IL17RD: variants seen among roughly 807,000 people sequenced by gnomAD.
The protein encoded by IL17RD is interleukin 17 receptor D, also known as interleukin-17 receptor D.
In IL17RD, 52 loss-of-function variants were observed where a neutral mutation model predicts 80.5. The ratio of observed to expected loss-of-function variants is 0.65; its 90% CI spans 0.52 to 0.81. IL17RD has a LOEUF of 0.81. Ranked by LOEUF, IL17RD falls within the 40% of genes least tolerant of loss-of-function variation. The pLI is 0.00. For missense variants in IL17RD, 1,024 were observed against 955.1 expected, an observed-to-expected ratio of 1.07 and a Z score of -0.95; for synonymous variants, 416 against 391.8, an observed-to-expected ratio of 1.06 and a Z score of -0.73.
Position 57,142,498 on chromosome 3 carries a change from G to A in IL17RD, c.127-22185C>T, listed in dbSNP as rs375448945. 19 of 1,288,004 alleles carry A rather than the reference G, an allele frequency of 1.5e-5. No homozygotes were observed. In the East Asian group the frequency reaches 1.7e-4, roughly 11 times the overall value. The allele number at this position is 1,288,004 out of a possible 1,614,324, so 79.8% of individuals were successfully genotyped here. ...ACGCAGGAACACCTGAGGCAGAAGCGCGTGGCATCCCTCCCCCTCCAACCG... is the reference window on the plus strand; with the variant it reads ...ACGCAGGAACACCTGAGGCAGAAGCACGTGGCATCCCTCCCCCTCCAACCG... On this transcript the variant is annotated intron_variant, in intron 1 of 12. Coordinates refer to ENST00000296318, the MANE Select transcript of IL17RD (RefSeq NM_017563.5).
rs868788175 is a variant in IL17RD, at chr3:57,146,762, A to G, written c.126+18399T>C. ...GAGACTGCATCTCAAAAAAAAAAAAAAAAGAAAGAAAAAAAATTATATAAA... is the reference window on the plus strand; with the variant it reads ...GAGACTGCATCTCAAAAAAAAAAAAGAAAGAAAGAAAAAAAATTATATAAA... On this transcript the variant is annotated intron_variant, in intron 1 of 12. Coordinates refer to ENST00000296318, the MANE Select transcript of IL17RD (RefSeq NM_017563.5). 3.6e-3 allele frequency among the ~76,000 whole-genome samples: 548 copies of G among 150,402 alleles called. 3 individuals carry two copies. The highest frequency in any genetic ancestry group is 0.012 in the African/African-American group (513 of 41,156).
rs761408556 is a variant in IL17RD at position 57,101,219 on chromosome 3, T to C, written c.1124A>G (p.Gln375Arg). The C allele has an allele frequency of 6.2e-7, 1 of 1,613,764 alleles. No individual in the cohort carries two copies. The highest frequency in any genetic ancestry group is 8.5e-7 in the Non-Finnish European group (1 of 1,179,720). The change falls in exon 11 of 13, where the codon CAG (glutamine) becomes CGG (arginine). Residue 375 changes from glutamine (Q) to arginine (R), a missense_variant. Coordinates refer to ENST00000296318, the MANE Select transcript of IL17RD (RefSeq NM_017563.5). ...GTCCTGGAGGAAGTAGGCGAAACACTGGACGACATTCATGTGATTCTGGCC... is the reference window on the plus strand; with the variant it reads ...GTCCTGGAGGAAGTAGGCGAAACACCGGACGACATTCATGTGATTCTGGCC... ...KDGQNHMNVV[Q>R]CFAYFLQDFC...
intron 1 of IL17RD, among the ~76,000 whole-genome samples, chr3:57,144,257 C>T (rs1229706074): frequency 1.3e-5 from 2 of 151,994 alleles, no homozygotes; most frequent in Non-Finnish European, 2.9e-5. Context: ...TACTCTAGGG[C>T]CTGTTATCAC....
At chr3:57,097,369 T>C (rs771473240) in intron 12 of IL17RD, 83 of 572,132 alleles carry the variant, frequency 1.5e-4, no homozygotes, top group Non-Finnish European at 2.4e-4. Flanking sequence ...CAACACCCCT[T>C]GCAGGGTCTG....
Position 57,104,407 on chromosome 3 carries a change from C to T in IL17RD, c.748G>A (p.Glu250Lys). 3 of 1,602,604 alleles carry T rather than the reference C, an allele frequency of 1.9e-6. No homozygotes were observed. The East Asian group carries it at 6.7e-5, about 36-fold the overall frequency. Residue 250 changes from glutamate to lysine, a missense_variant and splice_region_variant, in exon 8 of 13, where the codon GAG (glutamate) becomes AAG (lysine). By Grantham distance (56) the Glu-to-Lys change is moderately conservative. Coordinates refer to ENST00000296318, the MANE Select transcript of IL17RD (RefSeq NM_017563.5). The part of the protein sequence containing the change: ...GPFKRKTCKQ[E>K]QTTETTSCLL... ...CAGCTGGTCGTCTCTGTAGTTTGCT[C>T]CTGCAACAGACCAAAGAACACTTTA...
intron 7 of IL17RD, among the ~76,000 whole-genome samples, chr3:57,105,325 G>T (rs1215181026): frequency 6.6e-6 from 1 of 151,732 alleles, no homozygotes; most frequent in African/African-American, 2.4e-5. Flanking sequence ...ATCACTTGAG[G>T]TCAGGAGTCT....
chr3:57,101,921 T>C (rs1706839550), intron 10 of IL17RD, among the ~76,000 whole-genome samples: 2 of 152,176 alleles, frequency 1.3e-5, no homozygotes, highest in African/African-American at 4.8e-5. Context: ...TTACTTATAC[T>C]TCAGGCTTCC....
In IL17RD at chr3:57,102,539, G is replaced by C; in HGVS notation, c.919C>G (p.Leu307Val). The C allele has an allele frequency of 1.9e-6, 3 of 1,581,740 alleles. No individual in the cohort carries two copies. The highest frequency in any genetic ancestry group is 2.6e-6 in the Non-Finnish European group (3 of 1,156,278). Residue 307 changes from leucine to valine, a missense_variant, in exon 10 of 13, where the codon CTG becomes GTG. Coordinates refer to ENST00000296318, the MANE Select transcript of IL17RD (RefSeq NM_017563.5). ...GTCGCGAATGCCGATATGACTACCA[G>C]TGGCACTGTGATGGCCACGGCTCTG... ...PIRAVAITVP[L>V]VVISAFATLF...
At chr3:57,158,061 T>C (rs2060280225) in intron 1 of IL17RD, among the ~76,000 whole-genome samples, 1 of 152,268 alleles carries the variant, frequency 6.6e-6, no homozygotes, top group Non-Finnish European at 1.5e-5. Context: ...AGGATTCATA[T>C]GAAGTATTCA....
intron 1 of IL17RD, among the ~76,000 whole-genome samples, chr3:57,123,402 C>T (rs2107502386): frequency 6.6e-6 from 1 of 152,320 alleles, no homozygotes. Context: ...CCTTCTAAAC[C>T]CTTTGGGCAC....
chr3:57,141,914 T>C (rs549707760), intron 1 of IL17RD, among the ~76,000 whole-genome samples: 2 of 152,260 alleles, frequency 1.3e-5, no homozygotes, highest in East Asian at 1.9e-4. Flanking sequence ...TATCTGATTG[T>C]ATCTGCACGG....
chr3:57,145,065 T>C (rs941042030), intron 1 of IL17RD, among the ~76,000 whole-genome samples: 8 of 152,248 alleles, frequency 5.3e-5, no homozygotes, highest in Non-Finnish European at 7.4e-5. Flanking sequence ...ACAAACTATT[T>C]CTGTATCTGT....
chr3:57,099,932 A>C, intron 11 of IL17RD, among the ~76,000 whole-genome samples: 1 of 152,254 alleles, frequency 6.6e-6, no homozygotes, highest in Non-Finnish European at 1.5e-5. Flanking sequence ...CCAAAGGCAA[A>C]ACTGTACGTG....
Position 57,091,322 on chromosome 3 carries a change from T to C in IL17RD, c.*5071A>G, listed in dbSNP as rs536082875. On this transcript the variant is annotated 3_prime_UTR_variant, in exon 13 of 13. Transcript: ENST00000296318. ...GGAGGAAAACAAACACAAGTTATGA[T>C]AGATGACTATCATCAGGGGAAAAAT... is the stretch of plus-strand genomic sequence containing the variant. The C allele has an allele frequency of 3.9e-5, 6 of 152,766 alleles. No homozygotes were observed. The South Asian group carries it at 1.0e-3, about 26-fold the overall frequency. 9.5% of individuals were successfully genotyped at this position (152,766 alleles called of 1,614,324 possible). A position where few individuals can be genotyped will look rare whatever the true frequency, so the allele number is the denominator to read the frequency against.
intron 1 of IL17RD, among the ~76,000 whole-genome samples, chr3:57,136,234 A>T (rs1707722427): frequency 2.0e-5 from 3 of 152,162 alleles, no homozygotes; most frequent in Admixed American, 2.0e-4. Context: ...CAAGCTAAGG[A>T]GATAAAAACC....
chr3:57,107,832 C>T (rs1706998812), intron 5 of IL17RD, among the ~76,000 whole-genome samples: 1 of 152,052 alleles, frequency 6.6e-6, no homozygotes, highest in East Asian at 1.9e-4. Flanking sequence ...GGGGATGGTA[C>T]GACTAAATTC....
At chr3:57,165,061 A>G (rs953961110) in intron 1 of IL17RD, 100 bp downstream of exon 1, 1 of 1,371,152 alleles carries the variant, frequency 7.3e-7, no homozygotes, top group Non-Finnish European at 9.3e-7. Context: ...CCCCGCGAAG[A>G]GCAGACAGGT....
At chr3:57,148,711 G>T (rs931669773) in intron 1 of IL17RD, among the ~76,000 whole-genome samples, 2 of 152,180 alleles carry the variant, frequency 1.3e-5, no homozygotes, top group South Asian at 4.1e-4. Flanking sequence ...AAAGCAGGAA[G>T]TTTATGCCTA....
rs1439807701 is a variant in IL17RD at position 57,127,315 on chromosome 3, AAAATATATAT to A, written c.127-7012_127-7003del. ...ATATAAATATATATAAAAATATATA[AAAATATATAT>A]AAATATATATAAAAATATATATAAA... is the stretch of plus-strand genomic sequence containing the variant. On this transcript the variant is annotated intron_variant, in intron 1 of 12. Transcript: ENST00000296318. Among the ~76,000 whole-genome samples the A allele has an allele frequency of 1.3e-3, 102 of 81,256 alleles. 8 individuals are homozygous for A. Among genetic ancestry groups the A allele is most frequent in the Non-Finnish European group, 1.8e-3 (90 of 49,294 alleles). 53.3% of individuals were successfully genotyped at this position (81,256 alleles called of 152,430 possible).
Sources: allele counts gnomAD v4.1 joint callset (sites outside exome capture counted in the v4.1 genomes callset), GRCh38; gene constraint gnomAD v4.1.1; transcripts MANE v1.5; gene names NCBI Gene and HGNC (gene_info 2026-07-23, HGNC 2026-07-21).